Variants in DST observed in about 807,000 individuals in gnomAD.
DST encodes the protein dystonin.
A neutral mutation model predicts 875.2 loss-of-function variants in DST; 253 were observed. The observed-to-expected ratio is 0.29, with a 90% CI of 0.26 to 0.32. The LOEUF (loss-of-function observed/expected upper bound fraction) is 0.32. DST is among the 10% of genes least tolerant of loss of function. DST has a pLI of 1.00. For missense variants in DST, 8,287 were observed against 9,111.6 expected, an observed-to-expected ratio of 0.91 and a Z score of 3.68; for synonymous variants, 3,124 against 3,197.1, an observed-to-expected ratio of 0.98 and a Z score of 0.77.
Position 56,851,422 on chromosome 6 carries a change from G to A in DST, c.600C>T (p.Ala200=), listed in dbSNP as rs368839082. Residue 200 remains alanine, a synonymous_variant, in exon 4 of 104, where the codon GCC becomes GCT. Coordinates refer to ENST00000680361, the MANE Select transcript of DST (RefSeq NM_001374736.1). Reference sequence around the variant, plus strand: ...CTGCTATCCGAAGCACTGCCCTCTCGGCAGGGTCCAGCACTGAGCCCCCTT... The same window carrying A: ...CTGCTATCCGAAGCACTGCCCTCTCAGCAGGGTCCAGCACTGAGCCCCCTT... The part of the protein sequence containing the change: ...KIQGGSVLDP[A]ERAVLRIADE... 2 of 1,613,488 alleles carry A rather than the reference G, an allele frequency of 1.2e-6. No homozygotes were observed. Among genetic ancestry groups the A allele is most frequent in the East Asian group, 2.2e-5 (1 of 44,880 alleles).
intron 36 of DST, among the ~76,000 whole-genome samples, chr6:56,623,720 A>C (rs1485090087): frequency 6.6e-6 from 1 of 152,154 alleles, no homozygotes; most frequent in Non-Finnish European, 1.5e-5. Context: ...TTCAACATTC[A>C]TTCTACTATT....
chr6:56,544,633 G>A (rs1275950897), intron 61 of DST, among the ~76,000 whole-genome samples: 1 of 152,234 alleles, frequency 6.6e-6, no homozygotes, highest in Admixed American at 6.5e-5. Flanking sequence ...GAATGTGAAT[G>A]AGAAAATGGC....
chr6:56,914,476 T>A (rs1046625650), intron 2 of DST, among the ~76,000 whole-genome samples: 3 of 152,164 alleles, frequency 2.0e-5, no homozygotes, highest in Non-Finnish European at 4.4e-5. Flanking sequence ...GGGCTAGTGA[T>A]TGCTTCAACT....
At chr6:56,824,350 G>A (rs907075371) in intron 4 of DST, among the ~76,000 whole-genome samples, 12 of 152,166 alleles carry the variant, frequency 7.9e-5, no homozygotes, top group Non-Finnish European at 5.9e-5. Context: ...GCGTGATCTC[G>A]GCTCGCTACA....
chr6:56,586,725 T>C (rs976775673), intron 49 of DST, among the ~76,000 whole-genome samples: 10 of 152,104 alleles, frequency 6.6e-5, no homozygotes, highest in African/African-American at 1.9e-4. Context: ...TCCAGAGGAA[T>C]GATCAGACAG....
chr6:56,757,807 G>A lies in DST; in HGVS notation c.626-22518C>T, dbSNP rs900112006. Among the ~76,000 whole-genome samples the A allele has an allele frequency of 1.4e-4, 22 of 152,282 alleles. 1 individual carries two copies. The highest frequency in any genetic ancestry group is 1.4e-3 in the Admixed American group (22 of 15,296). ...AGTCTGCAGGAACAAGAAGTAAGGA[G>A]CCTCTGTGGATGGTGGCTATAACCA... On this transcript the variant is annotated intron_variant, in intron 4 of 103. Transcript: ENST00000680361.
intron 3 of DST, among the ~76,000 whole-genome samples, chr6:56,860,688 T>A (rs999465357): frequency 6.6e-6 from 1 of 152,190 alleles, no homozygotes; most frequent in African/African-American, 2.4e-5. Context: ...GGTGATGTTG[T>A]CTATTCACAC....
chr6:56,900,540 C>A lies in DST; in HGVS notation c.298G>T (p.Val100Leu). 1 of 1,367,670 alleles carries A rather than the reference C, an allele frequency of 7.3e-7. No homozygotes were observed. The highest frequency in any genetic ancestry group is 1.1e-5 in the South Asian group (1 of 88,046). 84.7% of individuals were successfully genotyped at this position (1,367,670 alleles called of 1,614,324 possible). A position where few individuals can be genotyped will look rare whatever the true frequency, so the allele number is the denominator to read the frequency against. ...AARLEEVKPVVEVHHQSEQET... is the reference protein window; with the variant it reads ...AARLEEVKPVLEVHHQSEQET... Reference sequence around the variant, plus strand: ...TGCTCACTCTGATGGTGAACTTCCACCACGGGCTTCACTTCTTCCAGACGG... The same window carrying A: ...TGCTCACTCTGATGGTGAACTTCCAACACGGGCTTCACTTCTTCCAGACGG... The change falls in exon 3 of 104, where the codon GTG (valine) becomes TTG (leucine). Residue 100 changes from valine (V) to leucine (L), a missense_variant. By Grantham distance (32) the Val-to-Leu change is conservative (BLOSUM62 1). Coordinates refer to ENST00000680361, the MANE Select transcript of DST (RefSeq NM_001374736.1).
At chr6:56,848,543 C>A (rs1355259133) in intron 4 of DST, among the ~76,000 whole-genome samples, 2 of 152,030 alleles carry the variant, frequency 1.3e-5, no homozygotes, top group Admixed American at 1.3e-4. Context: ...CACCAAATTC[C>A]ATTAGATAAC....
Position 56,670,774 on chromosome 6 carries a change from C to T in DST, c.1081G>A (p.Asp361Asn), listed in dbSNP as rs2099096966. The part of the protein sequence containing the change: ...SDIHVTGESE[D>N]MSAKERLLLW... The stretch of plus-strand genomic sequence containing the variant: ...AGCAATCTCTCTTTTGCAGACATAT[C>T]CTCTGACTCTCCAGTAACATGGATA... Residue 361 changes from aspartate to asparagine, a missense_variant, in exon 10 of 104, where the codon GAT becomes AAT. Transcript: ENST00000680361. 6.2e-7 allele frequency: 1 copy of T among 1,606,134 alleles called. No individual in the cohort carries two copies. The highest frequency in any genetic ancestry group is 8.5e-7 in the Non-Finnish European group (1 of 1,176,352).
chr6:56,800,804 A>G (rs918813226), intron 4 of DST, among the ~76,000 whole-genome samples: 5 of 152,162 alleles, frequency 3.3e-5, no homozygotes, highest in Non-Finnish European at 5.9e-5. Context: ...GGACTGCTTG[A>G]GCCCAGGAGT....
chr6:56,636,436 ATG>A (rs897395633), intron 23 of DST, 119 bp downstream of exon 23: 17 of 723,270 alleles, frequency 2.4e-5, no homozygotes, highest in Non-Finnish European at 3.7e-5. Flanking sequence ...GTATATATAT[ATG>A]TGTGTATATA....
chr6:56,479,683 C>T lies in DST; in HGVS notation c.21532-2195G>A, dbSNP rs371957834. Reference sequence around the variant, plus strand: ...AAGTGAAGTAACTCAAACAGAAAATCAAATATCACACGTTCTCATGTATAA... The same window carrying T: ...AAGTGAAGTAACTCAAACAGAAAATTAAATATCACACGTTCTCATGTATAA... On this transcript the variant is annotated intron_variant, in intron 90 of 103. Coordinates refer to ENST00000680361, the MANE Select transcript of DST (RefSeq NM_001374736.1). Among the ~76,000 whole-genome samples, 16 of 152,258 alleles carry T rather than the reference C, an allele frequency of 1.1e-4. No individual in the cohort carries two copies. In the South Asian group the frequency reaches 1.5e-3, roughly 14 times the overall value.
At chr6:56,551,766 T>G (rs1442993008) in intron 61 of DST, among the ~76,000 whole-genome samples, 5 of 152,124 alleles carry the variant, frequency 3.3e-5, no homozygotes, top group Admixed American at 2.0e-4. Context: ...TTAAGAAGGA[T>G]GAGAAGATAA....
At chr6:56,730,979 T>C (rs2099495367) in intron 5 of DST, among the ~76,000 whole-genome samples, 1 of 152,218 alleles carries the variant, frequency 6.6e-6, no homozygotes, top group South Asian at 2.1e-4. Context: ...TTTAAACAAA[T>C]GTAATTTTAG....
At chr6:56,488,315 T>A (rs1041000969) in intron 86 of DST, among the ~76,000 whole-genome samples, 1 of 152,192 alleles carries the variant, frequency 6.6e-6, no homozygotes, top group Non-Finnish European at 1.5e-5. Flanking sequence ...AACTTTAATA[T>A]GTAATATACT....
In DST at chr6:56,619,591, C is replaced by T. The variant is rs144396052; in HGVS notation, c.4929+4939G>A. Reference sequence around the variant, plus strand: ...TTCTGTCTACTTCTCTTTGTAGTTTCCCTTTTTCATGATTAAGAGATTCTA... The same window carrying T: ...TTCTGTCTACTTCTCTTTGTAGTTTTCCTTTTTCATGATTAAGAGATTCTA... On this transcript the variant is annotated intron_variant, in intron 36 of 103. Coordinates refer to ENST00000680361, the MANE Select transcript of DST (RefSeq NM_001374736.1). 2.3e-4 allele frequency: 372 copies of T among 1,613,970 alleles called. No homozygotes were observed. The highest frequency in any genetic ancestry group is 4.9e-4 in the Middle Eastern group (3 of 6,062).
At chr6:56,686,510 T>C (rs1466476796) in intron 9 of DST, among the ~76,000 whole-genome samples, 1 of 152,202 alleles carries the variant, frequency 6.6e-6, no homozygotes, top group African/African-American at 2.4e-5. Flanking sequence ...TGTTGTTGTT[T>C]TGTTTTTTAT....
chr6:56,555,925 G>T, intron 59 of DST, 85 bp from the exon 60 acceptor site: 3 of 1,289,590 alleles, frequency 2.3e-6, no homozygotes, highest in South Asian at 2.2e-5. Flanking sequence ...AGACAGAAAT[G>T]GTAATTATTT....
Sources: allele counts gnomAD v4.1 joint callset (sites outside exome capture counted in the v4.1 genomes callset), GRCh38; gene constraint gnomAD v4.1.1; transcripts MANE v1.5; gene names NCBI Gene and HGNC (gene_info 2026-07-23, HGNC 2026-07-21).